Variants in NCAM2 observed in about 807,000 individuals in gnomAD.
NCAM2 encodes the protein N-CAM-2.
NCAM2 carries 30 observed loss-of-function variants against 98.1 expected under a neutral mutation model. The ratio of observed to expected loss-of-function variants is 0.31; its 90% CI spans 0.23 to 0.41. The LOEUF is 0.41. Among genes scored for constraint, NCAM2 ranks in the 10% least tolerant of loss-of-function variants. The pLI is 1.00. For synonymous variants in NCAM2, 368 were observed against 342.4 expected (o/e 1.07, Z -0.83); for missense variants, 867 against 1,005.8 (o/e 0.86, Z 1.87).
At chr21:21,419,199 C>A (rs1235635508) in intron 11 of NCAM2, among the ~76,000 whole-genome samples, 2 of 151,680 alleles carry the variant, frequency 1.3e-5, no homozygotes, top group Admixed American at 1.3e-4. Context: ...ATTGTATCTG[C>A]TATACAGTGA....
intron 1 of NCAM2, among the ~76,000 whole-genome samples, chr21:21,003,312 T>G (rs1424440810): frequency 6.6e-6 from 1 of 152,144 alleles, no homozygotes; most frequent in African/African-American, 2.4e-5. Flanking sequence ...CAAAACATTA[T>G]AGTTTGAAGA....
intron 1 of NCAM2, among the ~76,000 whole-genome samples, chr21:21,114,704 A>C (rs2066518443): frequency 6.6e-6 from 1 of 152,226 alleles, no homozygotes; most frequent in African/African-American, 2.4e-5. Context: ...GGGGAACAGA[A>C]TAACAGACCA....
At chr21:21,436,759 CT>C (rs71322061) in intron 12 of NCAM2, among the ~76,000 whole-genome samples, 2 of 141,658 alleles carry the variant, frequency 1.4e-5, no homozygotes, top group Middle Eastern at 3.5e-3. Context: ...ACAGAAGCAA[CT>C]TTTTTTTTCT....
chr21:21,187,825 G>T (rs2068690953), intron 1 of NCAM2, among the ~76,000 whole-genome samples: 4 of 152,172 alleles, frequency 2.6e-5, no homozygotes, highest in Admixed American at 2.6e-4. Flanking sequence ...ACTGTCTTGA[G>T]ACTAGAAATC....
chr21:21,254,198 G>T (rs1012897443), intron 1 of NCAM2, among the ~76,000 whole-genome samples: 1 of 152,020 alleles, frequency 6.6e-6, no homozygotes, highest in Non-Finnish European at 1.5e-5. Context: ...CACATTTAGC[G>T]TATTATTCCT....
intron 1 of NCAM2, among the ~76,000 whole-genome samples, chr21:21,201,321 T>C (rs1006703263): frequency 6.6e-6 from 1 of 152,220 alleles, no homozygotes; most frequent in Non-Finnish European, 1.5e-5. Context: ...TTTTCAGTTA[T>C]GCTGCTCCCA....
chr21:21,525,734 AAAC>A (rs1231712491), intron 16 of NCAM2, among the ~76,000 whole-genome samples: 39 of 152,152 alleles, frequency 2.6e-4, no homozygotes, highest in African/African-American at 9.4e-4. Context: ...ATATCTTTCT[AAAC>A]ATAGATGCAA....
chr21:21,497,436 A>G (rs1987320649), intron 15 of NCAM2, among the ~76,000 whole-genome samples: 1 of 152,108 alleles, frequency 6.6e-6, no homozygotes, highest in African/African-American at 2.4e-5. Context: ...TTTTTAACCA[A>G]ATATTCTCAA....
chr21:21,496,974 T>C, intron 15 of NCAM2, among the ~76,000 whole-genome samples: 1 of 152,142 alleles, frequency 6.6e-6, no homozygotes, highest in South Asian at 2.1e-4. Flanking sequence ...TGCCTATCAG[T>C]GGTAGATTGT....
chr21:21,300,209 C>A (rs114097738), intron 5 of NCAM2, among the ~76,000 whole-genome samples: 1 of 151,988 alleles, frequency 6.6e-6, no homozygotes, highest in African/African-American at 2.4e-5. Flanking sequence ...AAGTGTCAGA[C>A]CTGTGAGAGA....
intron 1 of NCAM2, among the ~76,000 whole-genome samples, chr21:21,082,281 C>CAAAAAAAA (rs11384165): frequency 3.6e-4 from 46 of 127,688 alleles, no homozygotes; most frequent in East Asian, 1.1e-3. Flanking sequence ...GAGCTCAAAA[C>CAAAAAAAA]AAAAAAAAAA....
intron 8 of NCAM2, among the ~76,000 whole-genome samples, chr21:21,342,797 T>C (rs953833499): frequency 1.3e-5 from 2 of 152,194 alleles, no homozygotes; most frequent in Non-Finnish European, 1.5e-5. Context: ...AGGCCATCTT[T>C]GGAAATGCAT....
intron 15 of NCAM2, 39 bp downstream of exon 15, chr21:21,477,510 A>C (rs777006121): frequency 7.0e-7 from 1 of 1,424,606 alleles, no homozygotes; most frequent in Non-Finnish European, 9.4e-7. Context: ...TGAACAATAA[A>C]TATGATACCA....
intron 1 of NCAM2, among the ~76,000 whole-genome samples, chr21:21,061,588 A>T (rs7281300): frequency 1.3e-5 from 2 of 151,988 alleles, no homozygotes; most frequent in African/African-American, 4.8e-5. Context: ...GAAGATACTA[A>T]TTATGTTGGA....
rs542476854 is a variant in NCAM2 at position 21,453,674 on chromosome 21, T to C, written c.1655-12932T>C. On this transcript the variant is annotated intron_variant, in intron 12 of 17. Coordinates refer to ENST00000400546, the MANE Select transcript of NCAM2 (RefSeq NM_004540.5). ...GGTTAGAAAAGTAAAAGTTACCTTC[T>C]GCCATATGTTTAGTAAAGATGAAGA... 1.8e-4 allele frequency among the ~76,000 whole-genome samples: 28 copies of C among 152,254 alleles called. 1 individual carries two copies. In the South Asian group the frequency reaches 5.8e-3, roughly 32 times the overall value.
intron 15 of NCAM2, among the ~76,000 whole-genome samples, chr21:21,496,445 G>A (rs1009398629): frequency 2.0e-5 from 3 of 151,750 alleles, no homozygotes; most frequent in East Asian, 1.9e-4. Context: ...TGTCCTTTGC[G>A]TATTCTTTAA....
At chr21:21,085,107 A>T (rs533584654) in intron 1 of NCAM2, among the ~76,000 whole-genome samples, 1 of 152,178 alleles carries the variant, frequency 6.6e-6, no homozygotes, top group Admixed American at 6.5e-5. Flanking sequence ...TATTCAAAAT[A>T]TACTTGATTA....
intron 1 of NCAM2, among the ~76,000 whole-genome samples, chr21:21,205,202 C>T (rs973488116): frequency 6.6e-5 from 10 of 152,128 alleles, no homozygotes; most frequent in Non-Finnish European, 1.3e-4. Context: ...TATTTTAATA[C>T]ACAAACTGAA....
At chr21:21,153,806 C>T (rs9980751) in intron 1 of NCAM2, among the ~76,000 whole-genome samples, 11 of 151,778 alleles carry the variant, frequency 7.2e-5, no homozygotes, top group African/African-American at 2.7e-4. Context: ...CAGTAAGAGA[C>T]TGATGAGTTT....
Sources: allele counts gnomAD v4.1 joint callset (sites outside exome capture counted in the v4.1 genomes callset), GRCh38; gene constraint gnomAD v4.1.1; transcripts MANE v1.5; gene names NCBI Gene and HGNC (gene_info 2026-07-23, HGNC 2026-07-21).